ZC3H3: variants seen among roughly 807,000 people sequenced by gnomAD.
ZC3H3 encodes zinc finger CCCH-type containing 3, also known as zinc finger CCCH domain-containing protein 3.
ZC3H3 carries 36 observed loss-of-function variants against 77.3 expected under a neutral mutation model. The ratio of observed to expected loss-of-function variants is 0.47; its 90% CI spans 0.36 to 0.61. ZC3H3 has a LOEUF of 0.61. Ranked by LOEUF, ZC3H3 falls within the 20% of genes least tolerant of loss-of-function variation. The pLI, the probability that ZC3H3 is intolerant of heterozygous loss-of-function variation, is 0.00. For missense variants in ZC3H3, 1,331 were observed against 1,312.2 expected (o/e 1.01, Z -0.22); for synonymous variants, 626 against 555.2 (o/e 1.13, Z -1.79).
At chr8:143,465,886 C>T (rs1240832259) in intron 8 of ZC3H3, 38 bp from the exon 9 acceptor site, 1 of 1,595,584 alleles carries the variant, frequency 6.3e-7, no homozygotes, top group Non-Finnish European at 8.5e-7. Flanking sequence ...AGCAGGCAGC[C>T]ACCCTCCAGG....
At chr8:143,455,366 C>G (rs749193806) in intron 9 of ZC3H3, among the ~76,000 whole-genome samples, 3 of 151,862 alleles carry the variant, frequency 2.0e-5, no homozygotes, top group African/African-American at 7.3e-5. Context: ...CGTGGTGGCG[C>G]GTGTCTGTAA....
chr8:143,490,303 T>C (rs1821166753), intron 4 of ZC3H3, among the ~76,000 whole-genome samples: 1 of 152,048 alleles, frequency 6.6e-6, no homozygotes, highest in African/African-American at 2.4e-5. Context: ...GAGGCCAGGG[T>C]TGGGGGCAGC....
rs1304509050 is a variant in ZC3H3, at chr8:143,440,250, G to A, written c.2606C>T (p.Ser869Phe). 1 of 1,596,724 alleles carries A rather than the reference G, an allele frequency of 6.3e-7. No individual in the cohort carries two copies. Among genetic ancestry groups the A allele is most frequent in the South Asian group, 1.1e-5 (1 of 88,638 alleles). The change falls in exon 11 of 12, where the codon TCC becomes TTC. Residue 869 changes from serine (S) to phenylalanine (F), a missense_variant. Coordinates refer to ENST00000262577, the MANE Select transcript of ZC3H3 (RefSeq NM_015117.3). ...GGAGGAGGAGGAGGAAGCCTTCGAG[G>A]ATGAGGGAGAGGCTGACCCCCCTGG... ...HCPGGSASPS[S>F]SKASSSSSSS... is the part of the protein sequence containing the mutation.
chr8:143,457,937 A>G (rs953912505), intron 9 of ZC3H3, among the ~76,000 whole-genome samples: 10 of 152,240 alleles, frequency 6.6e-5, no homozygotes, highest in Admixed American at 5.9e-4. Flanking sequence ...TAGAGGAAAA[A>G]AAACAGCAAA....
At chr8:143,491,562 G>T (rs1821203183) in intron 4 of ZC3H3, among the ~76,000 whole-genome samples, 1 of 152,266 alleles carries the variant, frequency 6.6e-6, no homozygotes, top group Non-Finnish European at 1.5e-5. Flanking sequence ...GCCACACCCG[G>T]CTCGGGGCAC....
chr8:143,514,661 A>T (rs1329398282), intron 3 of ZC3H3, among the ~76,000 whole-genome samples: 1 of 152,084 alleles, frequency 6.6e-6, no homozygotes, highest in Non-Finnish European at 1.5e-5. Flanking sequence ...CAGGCCCTCG[A>T]GTTTCACGCA....
In ZC3H3 at chr8:143,468,535, G is replaced by A; in HGVS notation, c.1952C>T (p.Ala651Val). 1.2e-6 allele frequency: 2 copies of A among 1,607,610 alleles called. No individual in the cohort carries two copies. The highest frequency in any genetic ancestry group is 1.7e-6 in the Non-Finnish European group (2 of 1,177,610). The stretch of plus-strand genomic sequence containing the variant: ...GATGATGGCCAGGCTGCGCTGCACT[G>A]CCCGGCTGCAGACGGGGAGAGAGGT... ...GSCSRSLASRAVQRSLAIIRQ... is the reference protein window; with the variant it reads ...GSCSRSLASRVVQRSLAIIRQ... The change falls in exon 7 of 12, where the codon GCA becomes GTA. Residue 651 changes from alanine to valine, a missense_variant. Physicochemically the swap from Ala to Val is moderately conservative, Grantham distance 64 (BLOSUM62 0). This residue lies in a region of ZC3H3 where 978 missense variants were observed against 915.5 expected (regional missense o/e 1.07). Coordinates refer to ENST00000262577, the MANE Select transcript of ZC3H3 (RefSeq NM_015117.3).
At position 143,538,506 on chromosome 8, in the gene ZC3H3, T is replaced by C. The variant is rs1462161560; in HGVS notation, c.861A>G (p.Ser287=). 3 of 1,612,670 alleles carry C rather than the reference T, an allele frequency of 1.9e-6. No individual in the cohort carries two copies. In the South Asian group the frequency reaches 3.3e-5, roughly 18 times the overall value. ...GSVGGPARPA[S]GPRQAREASL... ...AGGCCTCCCGGGCCTGCCTGGGTCC[T>C]GAGGCCGGTCTGGCGGGGCCCCCCA... Residue 287 remains serine, a synonymous_variant, in exon 2 of 12, where the codon TCA becomes TCG. Transcript: ENST00000262577.
chr8:143,518,192 G>A (rs1822122722), intron 3 of ZC3H3, among the ~76,000 whole-genome samples: 1 of 152,134 alleles, frequency 6.6e-6, no homozygotes, highest in Non-Finnish European at 1.5e-5. Flanking sequence ...GGGGGACCCA[G>A]GTGATTCCAC....
intron 5 of ZC3H3, among the ~76,000 whole-genome samples, chr8:143,472,275 G>C (rs548100465): frequency 6.6e-6 from 1 of 152,372 alleles, no homozygotes; most frequent in African/African-American, 2.4e-5. Flanking sequence ...TGATGGCTCT[G>C]GGCCAAGGGA....
In ZC3H3 at chr8:143,494,361, C is replaced by A. The variant is rs1322909901; in HGVS notation, c.1715+13385G>T. The stretch of plus-strand genomic sequence containing the variant: ...TACGGGACCGGTGGCAGCCCGCCAG[C>A]CCTCCCTCTGAGCAGGCCCCAGGCT... On this transcript the variant is annotated intron_variant, in intron 4 of 11. Transcript: ENST00000262577. This position sits in a 1 kb window ranked among gnomAD's most constrained non-coding sequence, Gnocchi z 5.3. Among the ~76,000 whole-genome samples, 1 of 152,252 alleles carries A rather than the reference C, an allele frequency of 6.6e-6. No homozygotes were observed. The highest frequency in any genetic ancestry group is 1.5e-5 in the Non-Finnish European group (1 of 68,040).
intron 4 of ZC3H3, among the ~76,000 whole-genome samples, chr8:143,486,874 G>C (rs57469111): frequency 3.1e-3 from 202 of 64,568 alleles, no homozygotes; most frequent in African/African-American, 0.014. Context: ...CTCAGACACA[G>C]AACAGCACCC....
At chr8:143,507,715 G>C in intron 4 of ZC3H3, 31 bp downstream of exon 4, 1 of 1,521,120 alleles carries the variant, frequency 6.6e-7, no homozygotes, top group Non-Finnish European at 8.8e-7. Context: ...CAGTTCCCAG[G>C]CCTGCAGGAG....
intron 3 of ZC3H3, among the ~76,000 whole-genome samples, chr8:143,534,957 C>T (rs935949730): frequency 1.3e-5 from 2 of 152,080 alleles, no homozygotes; most frequent in Admixed American, 6.5e-5. Flanking sequence ...TGCCCTCCCG[C>T]GGCAGCCCCC....
chr8:143,478,125 C>T (rs551612641), intron 4 of ZC3H3, among the ~76,000 whole-genome samples: 1 of 152,310 alleles, frequency 6.6e-6, no homozygotes, highest in Admixed American at 6.5e-5. Flanking sequence ...CAACCCAGCT[C>T]TCCACCTGGG....
At chr8:143,536,525 AC>A in intron 2 of ZC3H3, 72 bp from the exon 3 acceptor site, 1 of 1,408,714 alleles carries the variant, frequency 7.1e-7, no homozygotes, top group South Asian at 1.5e-5. Context: ...CCTCACCAGG[AC>A]CCGAGGAGCG....
chr8:143,470,770 CT>C (rs1820541762), intron 5 of ZC3H3, among the ~76,000 whole-genome samples: 1 of 152,214 alleles, frequency 6.6e-6, no homozygotes. Context: ...ACAGGAGGCA[CT>C]TTTTCAAATG....
intron 3 of ZC3H3, among the ~76,000 whole-genome samples, chr8:143,520,261 G>A (rs745744394): frequency 6.6e-6 from 1 of 152,220 alleles, no homozygotes; most frequent in Non-Finnish European, 1.5e-5. Context: ...TTCAGCAGGG[G>A]ACTGATGTCT....
chr8:143,467,595 G>A (rs1258313097), intron 8 of ZC3H3, among the ~76,000 whole-genome samples: 1 of 152,200 alleles, frequency 6.6e-6, no homozygotes, highest in Admixed American at 6.5e-5. Flanking sequence ...GCATGCTGTG[G>A]TCACACCGTG....
Sources: allele counts gnomAD v4.1 joint callset (sites outside exome capture counted in the v4.1 genomes callset), GRCh38; gene constraint gnomAD v4.1.1; regional missense constraint gnomAD v4.1.1; non-coding constraint Gnocchi (gnomAD v3.1); transcripts MANE v1.5; gene names NCBI Gene and HGNC (gene_info 2026-07-23, HGNC 2026-07-21).